The following GMDS variants were observed in gnomAD, a reference collection of about 807,000 sequenced individuals.
GMDS encodes the protein GDP-mannose 4,6 dehydratase.
In GMDS, 20 loss-of-function variants were observed where a neutral mutation model predicts 49.9. The observed-to-expected ratio is 0.40, with a 90% CI of 0.28 to 0.58. The LOEUF is 0.58. GMDS is among the 20% of genes least tolerant of loss of function. The pLI is 0.42. For missense variants in GMDS, 362 were observed against 481.4 expected, an observed-to-expected ratio of 0.75 and a Z score of 2.32; for synonymous variants, 177 against 178.6, an observed-to-expected ratio of 0.99 and a Z score of 0.07.
chr6:2,074,456 G>C (rs1772203143), intron 4 of GMDS, among the ~76,000 whole-genome samples: 1 of 152,086 alleles, frequency 6.6e-6, no homozygotes, highest in South Asian at 2.1e-4. Context: ...CCGCTCAATA[G>C]GTTGTTTCTT....
intron 7 of GMDS, among the ~76,000 whole-genome samples, chr6:1,800,448 T>C (rs1444543771): frequency 6.6e-6 from 1 of 152,066 alleles, no homozygotes; most frequent in African/African-American, 2.4e-5. Context: ...TTTTCTTTTC[T>C]TTTTTTGAGA....
In GMDS at chr6:2,161,646, C is replaced by T. The variant is rs536984374; in HGVS notation, c.103-36915G>A. Among the ~76,000 whole-genome samples, 175 of 152,158 alleles carry T rather than the reference C, an allele frequency of 1.2e-3. 4 individuals are homozygous for T. Among genetic ancestry groups the T allele is most frequent in the Non-Finnish European group, 1.4e-3 (94 of 68,034 alleles). On this transcript the variant is annotated intron_variant, in intron 1 of 10. Transcript: ENST00000380815. ...TGACCCAGAGGTGGTGGGGGAACCC[C>T]CAATTCCCCACTGTGACCTTCAAAC...
chr6:2,018,748 T>G (rs180906065), intron 4 of GMDS, among the ~76,000 whole-genome samples: 1 of 152,304 alleles, frequency 6.6e-6, no homozygotes, highest in East Asian at 1.9e-4. Context: ...AATGAACATT[T>G]GTGTTGTTTT....
At chr6:1,728,681 G>A (rs1766680140) in intron 8 of GMDS, among the ~76,000 whole-genome samples, 1 of 152,166 alleles carries the variant, frequency 6.6e-6, no homozygotes. Context: ...GTTTTAGGAG[G>A]GAGCGTGTGA....
At chr6:2,017,986 AAAT>A (rs1421907587) in intron 4 of GMDS, among the ~76,000 whole-genome samples, 1 of 152,198 alleles carries the variant, frequency 6.6e-6, no homozygotes, top group African/African-American at 2.4e-5. Flanking sequence ...TTAAAAATAG[AAAT>A]AATTTTTAAA....
rs138173314 is a variant in GMDS, at chr6:1,716,896, C to T, written c.987+9520G>A. On this transcript the variant is annotated intron_variant, in intron 9 of 10. Coordinates refer to ENST00000380815, the MANE Select transcript of GMDS (RefSeq NM_001500.4). The stretch of plus-strand genomic sequence containing the variant: ...CTCAGGCTCAAGTACGACCTGTCCT[C>T]ATTTCCAGTTGCCCAAATGTATCAG... 1.6e-4 allele frequency among the ~76,000 whole-genome samples: 25 copies of T among 152,364 alleles called. No individual in the cohort carries two copies. The East Asian group carries it at 4.8e-3, about 29-fold the overall frequency.
chr6:2,049,160 C>G (rs1203578398), intron 4 of GMDS, among the ~76,000 whole-genome samples: 1 of 152,182 alleles, frequency 6.6e-6, no homozygotes, highest in African/African-American at 2.4e-5. Flanking sequence ...GTTGAAGACA[C>G]CCAGTGTGCA....
At chr6:2,030,403 C>G (rs1035703569) in intron 4 of GMDS, among the ~76,000 whole-genome samples, 9 of 152,112 alleles carry the variant, frequency 5.9e-5, no homozygotes, top group Non-Finnish European at 1.0e-4. Context: ...CCAGCATCTG[C>G]GAATTTGTAG....
intron 6 of GMDS, among the ~76,000 whole-genome samples, chr6:1,938,887 T>A (rs1762672525): frequency 6.6e-6 from 1 of 151,954 alleles, no homozygotes; most frequent in Non-Finnish European, 1.5e-5. Context: ...CATCTAATTG[T>A]CCTTCAGCAA....
At chr6:2,074,651 T>A (rs900393948) in intron 4 of GMDS, among the ~76,000 whole-genome samples, 6 of 152,186 alleles carry the variant, frequency 3.9e-5, no homozygotes, top group Non-Finnish European at 8.8e-5. Flanking sequence ...GGTCTTACGT[T>A]TAAGTCTTTT....
chr6:1,922,736 C>T (rs1381317627), intron 7 of GMDS, among the ~76,000 whole-genome samples: 1 of 152,166 alleles, frequency 6.6e-6, no homozygotes, highest in African/African-American at 2.4e-5. Context: ...AGAGAGATGG[C>T]TTGACTCAGG....
At chr6:1,796,929 G>A (rs1288005543) in intron 7 of GMDS, among the ~76,000 whole-genome samples, 2 of 152,134 alleles carry the variant, frequency 1.3e-5, no homozygotes, top group African/African-American at 2.4e-5. Flanking sequence ...TATTCAAATG[G>A]CTCAAAAATG....
chr6:1,686,344 C>A (rs1190658786), intron 9 of GMDS, among the ~76,000 whole-genome samples: 1 of 152,196 alleles, frequency 6.6e-6, no homozygotes, highest in Non-Finnish European at 1.5e-5. Context: ...GGAAACCACA[C>A]CCAGAAGCAA....
rs553031404 is a variant in GMDS, at chr6:1,770,426, T to C, written c.772-27840A>G. Among the ~76,000 whole-genome samples, 287 of 152,348 alleles carry C rather than the reference T, an allele frequency of 1.9e-3. 1 individual carries two copies. Among genetic ancestry groups the C allele is most frequent in the African/African-American group, 6.6e-3 (274 of 41,596 alleles). On this transcript the variant is annotated intron_variant, in intron 7 of 10. Transcript: ENST00000380815. ...GGACACAAGGAACTATCGAATCTTG[T>C]TGTGGCAGCGGAGAATCTGACCGTG...
intron 4 of GMDS, among the ~76,000 whole-genome samples, chr6:2,031,146 G>C (rs914342144): frequency 8.5e-5 from 13 of 152,210 alleles, no homozygotes; most frequent in African/African-American, 3.1e-4. Flanking sequence ...TCCTGATGCA[G>C]TAGTTCTGGG....
chr6:1,877,644 TAAAA>T (rs60037634), intron 7 of GMDS, among the ~76,000 whole-genome samples: 11 of 90,512 alleles, frequency 1.2e-4, no homozygotes, highest in African/African-American at 2.9e-4. Context: ...TCTCAAAAAT[TAAAA>T]AAAAAAAAAA....
chr6:1,788,353 A>C (rs748806297), intron 7 of GMDS, among the ~76,000 whole-genome samples: 5 of 152,218 alleles, frequency 3.3e-5, no homozygotes, highest in Admixed American at 6.5e-5. Context: ...AAGCAATGGG[A>C]CAAGAGTTAA....
Position 1,978,713 on chromosome 6 carries a change from G to A in GMDS, c.346-17747C>T, listed in dbSNP as rs1405830842. ...AGCCCAAACCAATCAGGGGCTGAAG[G>A]GATCCCCAACACAGCATAGCTGCTC... On this transcript the variant is annotated intron_variant, in intron 4 of 10. Coordinates refer to ENST00000380815, the MANE Select transcript of GMDS (RefSeq NM_001500.4). Among the ~76,000 whole-genome samples the A allele has an allele frequency of 3.9e-5, 6 of 152,172 alleles. No individual in the cohort carries two copies. In the East Asian group the frequency reaches 1.2e-3, roughly 29 times the overall value.
intron 4 of GMDS, among the ~76,000 whole-genome samples, chr6:1,989,830 G>A (rs1298474370): frequency 3.3e-5 from 5 of 152,248 alleles, no homozygotes. Flanking sequence ...AATGTGAGGG[G>A]CTGAAGATAC....
Sources: gnomAD v4.1 joint callset for allele counts (sites outside exome capture counted in the v4.1 genomes callset) on GRCh38, gnomAD v4.1.1 for gene constraint, MANE v1.5 for transcripts, NCBI Gene and HGNC (gene_info 2026-07-23, HGNC 2026-07-21) for gene names.